Variants in PRR5 observed in about 807,000 individuals in gnomAD.
PRR5 encodes the protein proline-rich protein 5.
A neutral mutation model predicts 30.6 loss-of-function variants in PRR5; 25 were observed. That is an observed-to-expected ratio of 0.82 (90% CI 0.60 to 1.14). The LOEUF (loss-of-function observed/expected upper bound fraction) is 1.14. PRR5 is among the 50% of genes most tolerant of loss of function. PRR5 has a pLI of 0.00. For missense variants in PRR5, 600 were observed against 547.1 expected (o/e 1.10, Z -0.96); for synonymous variants, 286 against 247.1 (o/e 1.16, Z -1.48).
intron 2 of PRR5, 47 bp downstream of exon 2, chr22:44,714,718 G>A: frequency 6.2e-7 from 1 of 1,608,592 alleles, no homozygotes; most frequent in Non-Finnish European, 8.5e-7. Flanking sequence ...GTGGCAGGGA[G>A]GGCTAGGCCC....
chr22:44,677,195 AC>A (rs1426249061), exon 1 of PRR5: 1 of 152,292 alleles, frequency 6.6e-6, no homozygotes, highest in Non-Finnish European at 1.5e-5. Context: ...ACCTGTGCCC[AC>A]CCTGGCAGCA....
At chr22:44,721,583 C>T (rs1929941001) in intron 2 of PRR5, among the ~76,000 whole-genome samples, 1 of 152,198 alleles carries the variant, frequency 6.6e-6, no homozygotes, top group East Asian at 1.9e-4. Context: ...AGGAAGTAGC[C>T]TCCGGTCCTT....
chr22:44,709,766 C>T (rs1927863560), intron 1 of PRR5, among the ~76,000 whole-genome samples: 1 of 152,132 alleles, frequency 6.6e-6, no homozygotes, highest in Non-Finnish European at 1.5e-5. Context: ...GCAGGAGAAT[C>T]GCTTGAACCC....
chr22:44,725,827 G>C (rs1047785942), intron 3 of PRR5, among the ~76,000 whole-genome samples: 8 of 152,148 alleles, frequency 5.3e-5, no homozygotes, highest in African/African-American at 1.9e-4. Context: ...ATCTTGCCCA[G>C]CTAATTTTTG....
chr22:44,693,732 A>T (rs987651448), intron 1 of PRR5, among the ~76,000 whole-genome samples: 1 of 131,976 alleles, frequency 7.6e-6, no homozygotes. Context: ...GGTTCACGCC[A>T]TTCTCCTGCC....
intron 1 of PRR5, among the ~76,000 whole-genome samples, chr22:44,703,983 T>G (rs1926786347): frequency 6.6e-6 from 1 of 152,226 alleles, no homozygotes; most frequent in South Asian, 2.1e-4. Flanking sequence ...TTAAATAGAC[T>G]TATTTCAAAT....
In PRR5 at chr22:44,679,944, C is replaced by CG; in HGVS notation, c.-11+2704_-11+2705insG. 5 of 1,480,122 alleles carry CG rather than the reference C, an allele frequency of 3.4e-6. No homozygotes were observed. In the South Asian group the frequency reaches 6.1e-5, roughly 18 times the overall value. 91.7% of individuals were successfully genotyped at this position (1,480,122 alleles called of 1,614,324 possible). On this transcript the variant is annotated intron_variant, in intron 1 of 8. Transcript: ENST00000006251. ...GCAGGTGTATGGGTGAGGGTGAGTG[C>CG]AGTGTGGCTGGAGGCTTAGGGAAAG...
upstream of PRR5, among the ~76,000 whole-genome samples, chr22:44,697,468 G>A (rs952735310): frequency 2.6e-5 from 4 of 152,252 alleles, no homozygotes; most frequent in Non-Finnish European, 4.4e-5. Flanking sequence ...ACTCCCCATG[G>A]CTTTCCGTGC....
intron 1 of PRR5, among the ~76,000 whole-genome samples, chr22:44,696,398 A>G (rs1283178750): frequency 2.0e-5 from 3 of 152,184 alleles, no homozygotes; most frequent in African/African-American, 7.2e-5. Flanking sequence ...GCCCCAGAAG[A>G]GACTTTGGAA....
intron 7 of PRR5, 148 bp downstream of exon 7, chr22:44,735,310 T>A: frequency 8.1e-7 from 1 of 1,238,416 alleles, no homozygotes; most frequent in Non-Finnish European, 1.1e-6. Flanking sequence ...CAGCCTGCCA[T>A]ATGCTGGCCT....
chr22:44,727,704 A>G (rs897448297), intron 4 of PRR5, among the ~76,000 whole-genome samples: 1 of 152,070 alleles, frequency 6.6e-6, no homozygotes, highest in Non-Finnish European at 1.5e-5. Context: ...ACCCTGGGAA[A>G]AAGAGCTACT....
At chr22:44,674,092 C>T (rs560716973), upstream of PRR5, among the ~76,000 whole-genome samples, 26 of 152,190 alleles carry the variant, frequency 1.7e-4, no homozygotes, top group South Asian at 5.2e-3. Flanking sequence ...TCCTGTTGCA[C>T]AGTGTCATTG....
At chr22:44,715,137 G>A (rs1928867213) in intron 2 of PRR5, among the ~76,000 whole-genome samples, 1 of 152,210 alleles carries the variant, frequency 6.6e-6, no homozygotes. Flanking sequence ...CGGGAAATGA[G>A]GATTGCGAAG....
chr22:44,715,756 A>C (rs1928958155), intron 2 of PRR5, among the ~76,000 whole-genome samples: 1 of 152,052 alleles, frequency 6.6e-6, no homozygotes, highest in Non-Finnish European at 1.5e-5. Flanking sequence ...GGGCTGAAGC[A>C]ACCCTCCCAC....
At chr22:44,696,058 G>A (rs1925721645) in intron 1 of PRR5, among the ~76,000 whole-genome samples, 1 of 150,572 alleles carries the variant, frequency 6.6e-6, no homozygotes, top group Admixed American at 6.7e-5. Context: ...TGAGTAGCTG[G>A]GATTACAGGC....
At chr22:44,714,403 A>G (rs61350918) in intron 1 of PRR5, among the ~76,000 whole-genome samples, 188 bp from the exon 2 acceptor site, 3,216 of 152,242 alleles carry the variant, frequency 0.021, 128 homozygotes, top group African/African-American at 0.073. Flanking sequence ...ATCTGGTGAT[A>G]CAGGCTGGGC....
chr22:44,709,413 T>A (rs1455585899), intron 1 of PRR5, among the ~76,000 whole-genome samples: 1 of 152,034 alleles, frequency 6.6e-6, no homozygotes, highest in African/African-American at 2.4e-5. Context: ...CGCTGCTGGC[T>A]GTGAAGATGG....
chr22:44,695,757 C>G (rs1277063072), intron 1 of PRR5, among the ~76,000 whole-genome samples: 2 of 151,542 alleles, frequency 1.3e-5, no homozygotes, highest in Non-Finnish European at 2.9e-5. Flanking sequence ...CACCAACATG[C>G]CCAGCTAATT....
intron 1 of PRR5, among the ~76,000 whole-genome samples, chr22:44,685,181 T>TAC (rs776927448): frequency 3.3e-5 from 5 of 152,074 alleles, no homozygotes; most frequent in Non-Finnish European, 5.9e-5. Context: ...GGTAGATGGG[T>TAC]ACGCAGTGCC....
Sources: allele counts gnomAD v4.1 joint callset (sites outside exome capture counted in the v4.1 genomes callset), GRCh38; gene constraint gnomAD v4.1.1; transcripts MANE v1.5; gene names NCBI Gene and HGNC (gene_info 2026-07-23, HGNC 2026-07-21).